Variants in CAPS2 observed in about 807,000 individuals in gnomAD.
CAPS2 encodes the protein calcyphosin-2.
In CAPS2, 98 loss-of-function variants were observed where a neutral mutation model predicts 86.5. That is an observed-to-expected ratio of 1.13 (90% CI 0.96 to 1.34). The LOEUF is 1.34. Among genes scored for constraint, CAPS2 ranks in the 40% most tolerant of loss-of-function variants. The pLI, the probability that CAPS2 is intolerant of heterozygous loss-of-function variation, is 0.00. For missense variants in CAPS2, 729 were observed against 686.8 expected (o/e 1.06, Z -0.69); for synonymous variants, 210 against 225.1 (o/e 0.93, Z 0.60).
In CAPS2 at chr12:75,312,927, A is replaced by G; in HGVS notation, c.592-12T>C. On this transcript the variant is annotated splice_polypyrimidine_tract_variant and intron_variant, in intron 6 of 16. Coordinates refer to ENST00000393284, the Ensembl canonical transcript of CAPS2. ...GCAGCCACAATTTCCTGGGAAGATT[A>G]AATAAAGACAACTTCACCATCCATA... 6.4e-7 allele frequency: 1 copy of G among 1,560,986 alleles called. No homozygotes were observed. The highest frequency in any genetic ancestry group is 8.8e-7 in the Non-Finnish European group (1 of 1,133,054).
chr12:75,341,580 G>T (rs111467925), intron 1 of CAPS2, among the ~76,000 whole-genome samples: 1 of 151,802 alleles, frequency 6.6e-6, no homozygotes, highest in Admixed American at 6.6e-5. Flanking sequence ...CGGAGTAACT[G>T]AGACTACAGG....
exon 17 of CAPS2, chr12:75,277,514 T>C: frequency 2.2e-6 from 2 of 917,228 alleles, no homozygotes; most frequent in Non-Finnish European, 2.6e-6. Context: ...AATAACCTAA[T>C]TTTTAAAAAA....
At chr12:75,312,243 G>A (rs1416864718) in intron 7 of CAPS2, among the ~76,000 whole-genome samples, 1 of 152,052 alleles carries the variant, frequency 6.6e-6, no homozygotes, top group Non-Finnish European at 1.5e-5. Context: ...GGGTACTATG[G>A]GATATTTTTA....
At position 75,316,309 on chromosome 12, in the gene CAPS2, T is replaced by TA. The variant is rs568550173; in HGVS notation, c.591+2dup. On this transcript the variant is annotated splice_region_variant and intron_variant, in intron 6 of 16. Transcript: ENST00000393284. ...CAAATAAGTAAAAATGCTGACAACT[T>TA]ACTGCATCCAATTTTCTTGCCCTCT... 3.8e-4 allele frequency: 595 copies of TA among 1,550,500 alleles called. 5 individuals carry two copies. In the African/African-American group the frequency reaches 7.6e-3, roughly 20 times the overall value.
chr12:75,359,535 G>A (rs2139567792), intron 1 of CAPS2, among the ~76,000 whole-genome samples: 1 of 151,446 alleles, frequency 6.6e-6, no homozygotes, highest in East Asian at 1.9e-4. Context: ...AAATTTAAAG[G>A]ACTAATACTA....
chr12:75,277,439 G>C (rs149553404), exon 17 of CAPS2: 1 of 942,016 alleles, frequency 1.1e-6, no homozygotes, highest in Non-Finnish European at 1.3e-6. Flanking sequence ...AAAAAGATAT[G>C]TGACAAAAAT....
At chr12:75,324,495 G>T (rs2040586153) in intron 2 of CAPS2, among the ~76,000 whole-genome samples, 2 of 152,078 alleles carry the variant, frequency 1.3e-5, no homozygotes, top group South Asian at 4.1e-4. Context: ...ACTTTTCTCT[G>T]CACACAACTG....
chr12:75,334,755 T>C (rs2041598035), upstream of CAPS2: 19 of 1,613,950 alleles, frequency 1.2e-5, no homozygotes, highest in Non-Finnish European at 1.6e-5. Flanking sequence ...AATTCAGTTG[T>C]TTATGGATCT....
intron 1 of CAPS2, chr12:75,366,902 T>C (rs1353218056): frequency 1.4e-6 from 1 of 701,654 alleles, no homozygotes; most frequent in Non-Finnish European, 2.6e-6. Flanking sequence ...GTAGGGCCAC[T>C]GCATGTCAAA....
At chr12:75,291,931 T>G in intron 12 of CAPS2, 111 bp from the exon 13 acceptor site, 1 of 396,022 alleles carries the variant, frequency 2.5e-6, no homozygotes. Flanking sequence ...GCTCTCAAAC[T>G]TGGAAGAGTG....
At chr12:75,306,260 A>T (rs2038481597) in intron 7 of CAPS2, 3 of 631,722 alleles carry the variant, frequency 4.7e-6, no homozygotes, top group Non-Finnish European at 8.5e-6. Context: ...GTTCCTGGCC[A>T]GGCAGGCCTT....
chr12:75,282,174 T>A, intron 16 of CAPS2, 77 bp downstream of exon 16: 1 of 848,452 alleles, frequency 1.2e-6, no homozygotes, highest in Non-Finnish European at 2.0e-6. Flanking sequence ...CAGTCTAAGG[T>A]TTAAATTAAT....
intron 1 of CAPS2, among the ~76,000 whole-genome samples, chr12:75,382,955 C>T (rs1037199903): frequency 1.3e-4 from 20 of 152,054 alleles, no homozygotes; most frequent in Non-Finnish European, 2.5e-4. Flanking sequence ...CTCAGGAAAC[C>T]GAATGTGATA....
chr12:75,344,182 G>T (rs1352706745), intron 1 of CAPS2, among the ~76,000 whole-genome samples: 2 of 151,920 alleles, frequency 1.3e-5, no homozygotes, highest in Non-Finnish European at 2.9e-5. Context: ...AAGAATGTTG[G>T]CCATTGTTTC....
chr12:75,369,353 C>G (rs2139689368), intron 1 of CAPS2: 1 of 179,448 alleles, frequency 5.6e-6, no homozygotes. Context: ...AGATTTTTCT[C>G]TCCTCATTTT....
At chr12:75,288,517 GT>G (rs1412456477) in intron 14 of CAPS2, among the ~76,000 whole-genome samples, 1 of 152,186 alleles carries the variant, frequency 6.6e-6, no homozygotes, top group African/African-American at 2.4e-5. Flanking sequence ...AATTTACAGT[GT>G]TCTTTCTACA....
At position 75,346,036 on chromosome 12, in the gene CAPS2, T is replaced by A. The variant is rs2042422204; in HGVS notation, c.-394-22814A>T. On this transcript the variant is annotated intron_variant, in intron 1 of 5. Transcript: ENST00000551829. ...TCTTGCACTTATCACCTACTGATAT[T>A]CATATTAGAGTTACATCCAATGTTC... Among the ~76,000 whole-genome samples the A allele has an allele frequency of 3.9e-5, 6 of 152,228 alleles. No individual in the cohort carries two copies. The South Asian group carries it at 1.2e-3, about 32-fold the overall frequency.
At chr12:75,321,542 G>T in exon 5 of CAPS2, 1 of 1,548,748 alleles carries the variant, frequency 6.5e-7, no homozygotes, top group African/African-American at 1.4e-5. Flanking sequence ...TTTGTCTGTT[G>T]GTGCTGGCAA....
chr12:75,276,841 T>C (rs1477953288), downstream of CAPS2: 1 of 945,298 alleles, frequency 1.1e-6, no homozygotes, highest in Non-Finnish European at 1.3e-6. Context: ...TTACAACATA[T>C]AATTTAATAT....
Sources: gnomAD v4.1 joint callset for allele counts (sites outside exome capture counted in the v4.1 genomes callset) on GRCh38, gnomAD v4.1.1 for gene constraint, MANE v1.5 for transcripts, NCBI Gene and HGNC (gene_info 2026-07-23, HGNC 2026-07-21) for gene names.